EHD2: variants seen among roughly 807,000 people sequenced by gnomAD.
The protein encoded by EHD2 is EH domain containing 2.
Under a neutral mutation model 41.0 loss-of-function variants are expected in EHD2, and 27 were observed. That is an observed-to-expected ratio of 0.66 (90% CI 0.49 to 0.91). The LOEUF (loss-of-function observed/expected upper bound fraction) is 0.91, where lower values mean the gene tolerates loss of function less well. EHD2 is among the 40% of genes least tolerant of loss of function. The probability of loss-of-function intolerance (pLI) is 0.00; values close to 1 mark genes in which losing one functional copy is unlikely to be tolerated. For missense variants in EHD2, 673 were observed against 773.9 expected (o/e 0.87, Z 1.55); for synonymous variants, 342 against 341.0 (o/e 1.00, Z -0.03).
At chr19:47,715,602 A>G (rs1473736181) in intron 1 of EHD2, among the ~76,000 whole-genome samples, 1 of 152,088 alleles carries the variant, frequency 6.6e-6, no homozygotes, top group African/African-American at 2.4e-5. Flanking sequence ...AAGGTGTCAA[A>G]TGATGGAAGG....
intron 3 of EHD2, among the ~76,000 whole-genome samples, chr19:47,723,841 A>T (rs1973722743): frequency 6.6e-6 from 1 of 151,606 alleles, no homozygotes; most frequent in African/African-American, 2.4e-5. Flanking sequence ...ACATGTGTGG[A>T]TAATTTTTTA....
At position 47,719,946 on chromosome 19, in the gene EHD2, A is replaced by ATGTGTGTGTGTGTGTGTG. The variant is rs59665711; in HGVS notation, c.502+1347_502+1364dup. 1.2e-4 allele frequency among the ~76,000 whole-genome samples: 17 copies of ATGTGTGTGTGTGTGTGTG among 147,056 alleles called. No homozygotes were observed. Among genetic ancestry groups the ATGTGTGTGTGTGTGTGTG allele is most frequent in the African/African-American group, 4.1e-4 (16 of 39,176 alleles). On this transcript the variant is annotated intron_variant, in intron 3 of 5. Coordinates refer to ENST00000263277, the MANE Select transcript of EHD2 (RefSeq NM_014601.4). This position sits in a 1 kb window ranked among gnomAD's most constrained non-coding sequence, Gnocchi z 4.1. ...AGAGTGTCCAGCTGTTGGTGTGTAT[A>ATGTGTGTGTGTGTGTGTG]TGTGTGTGTGTGTGTGTGTGTGTGA...
chr19:47,721,022 A>G (rs572180049), intron 3 of EHD2, among the ~76,000 whole-genome samples: 175 of 152,038 alleles, frequency 1.2e-3, no homozygotes, highest in African/African-American at 4.1e-3. Flanking sequence ...CTCTGTGTCT[A>G]TGCCGTGTGT....
chr19:47,722,010 AC>A (rs1973701784), intron 3 of EHD2, among the ~76,000 whole-genome samples: 1 of 24,260 alleles, frequency 4.1e-5, no homozygotes, highest in Non-Finnish European at 7.7e-5. Flanking sequence ...GAAAAACAAA[AC>A]ACACACACAC....
chr19:47,742,074 GC>G lies in EHD2; in HGVS notation c.*646del. ...GCTTCCTCAGATGGGCCCCTCCGCA[GC>G]CCCTTCCCTTGCTCGGGGAAAGCCC... On this transcript the variant is annotated 3_prime_UTR_variant, in exon 6 of 6. Transcript: ENST00000263277. 2.6e-6 allele frequency: 1 copy of G among 377,948 alleles called. No individual in the cohort carries two copies. The highest frequency in any genetic ancestry group is 1.9e-5 in the South Asian group (1 of 51,614). The allele number at this position is 377,948 out of a possible 1,614,324, so 23.4% of individuals were successfully genotyped here. A position where few individuals can be genotyped will look rare whatever the true frequency, so the allele number is the denominator to read the frequency against.
Position 47,736,366 on chromosome 19 carries a change from C to T in EHD2, c.916-3C>T. 6.2e-7 allele frequency: 1 copy of T among 1,610,874 alleles called. No homozygotes were observed. The highest frequency in any genetic ancestry group is 1.3e-5 in the African/African-American group (1 of 74,848). On this transcript the variant is annotated splice_polypyrimidine_tract_variant and splice_region_variant and intron_variant, in intron 4 of 5. Transcript: ENST00000263277. ...CAGGCTGAGGTGAGAACCCTTCCCA[C>T]AGGTTCACGCTTACATCATCAGCTA...
intron 4 of EHD2, among the ~76,000 whole-genome samples, chr19:47,726,825 C>T (rs910780820): frequency 2.0e-5 from 3 of 152,096 alleles, no homozygotes; most frequent in Admixed American, 6.6e-5. Flanking sequence ...ACCACAGGCA[C>T]GTGTCACCAC....
chr19:47,740,878 C>T lies in EHD2; in HGVS notation c.1081-3C>T, dbSNP rs530373557. ...TTCTGGGTGCCCCTGTCCCCCACCA[C>T]AGGAGCTGCTGATGGCGCACGACTT... On this transcript the variant is annotated splice_polypyrimidine_tract_variant and splice_region_variant and intron_variant, in intron 5 of 5. Transcript: ENST00000263277. 1.2e-6 allele frequency: 2 copies of T among 1,612,548 alleles called. No individual in the cohort carries two copies. The highest frequency in any genetic ancestry group is 1.7e-6 in the Non-Finnish European group (2 of 1,179,772).
chr19:47,716,839 A>G lies in EHD2; in HGVS notation c.227A>G (p.Gln76Arg). 6.2e-7 allele frequency: 1 copy of G among 1,610,120 alleles called. No homozygotes were observed. The highest frequency in any genetic ancestry group is 8.5e-7 in the Non-Finnish European group (1 of 1,177,988). ...QYSTGKTSFIQYLLEQEVPGS... is the reference protein window; with the variant it reads ...QYSTGKTSFIRYLLEQEVPGS... ...AGCACGGGCAAGACCAGCTTCATCCAGTACCTGCTGGAGCAGGAGGTGCCC... is the reference window on the plus strand; with the variant it reads ...AGCACGGGCAAGACCAGCTTCATCCGGTACCTGCTGGAGCAGGAGGTGCCC... Residue 76 changes from glutamine to arginine, a missense_variant, in exon 2 of 6, where the codon CAG becomes CGG. Gln to Arg is a conservative substitution (Grantham distance 43). Transcript: ENST00000263277.
chr19:47,732,835 G>A (rs556053443), intron 4 of EHD2, among the ~76,000 whole-genome samples: 53 of 152,224 alleles, frequency 3.5e-4, no homozygotes, highest in Middle Eastern at 3.4e-3. Context: ...TGTAATCCCA[G>A]CACTTTGGGG....
At chr19:47,730,161 C>T (rs367974775) in intron 4 of EHD2, among the ~76,000 whole-genome samples, 1 of 151,944 alleles carries the variant, frequency 6.6e-6, no homozygotes, top group African/African-American at 2.4e-5. Flanking sequence ...GACCCAGCCC[C>T]GGCCCAGCCC....
chr19:47,741,025 G>C lies in EHD2; in HGVS notation c.1225G>C (p.Val409Leu). 3 of 1,610,044 alleles carry C rather than the reference G, an allele frequency of 1.9e-6. No homozygotes were observed. The highest frequency in any genetic ancestry group is 2.5e-6 in the Non-Finnish European group (3 of 1,179,724). ...GGAGCTGGAGAGCACCGAGGTGGGC[G>C]TGCAGGGGGGCGCTTTTGAGGGCAC... is the stretch of plus-strand genomic sequence containing the variant. The part of the protein sequence containing the change: ...QEELESTEVG[V>L]QGGAFEGTHM... The change falls in exon 6 of 6, where the codon GTG becomes CTG. Residue 409 changes from valine to leucine, a missense_variant. Val to Leu is a conservative substitution (Grantham distance 32). Coordinates refer to ENST00000263277, the MANE Select transcript of EHD2 (RefSeq NM_014601.4). The surrounding 1 kb of genome is among the most constrained non-coding windows in gnomAD (Gnocchi z 4.5).
chr19:47,722,313 C>CA (rs756265837), intron 3 of EHD2, among the ~76,000 whole-genome samples: 11 of 152,060 alleles, frequency 7.2e-5, no homozygotes, highest in Non-Finnish European at 1.5e-4. Context: ...GAATCTGGGC[C>CA]AGTATGTGTG....
intron 5 of EHD2, among the ~76,000 whole-genome samples, chr19:47,737,726 T>G (rs1208269787): frequency 1.3e-5 from 2 of 151,910 alleles, no homozygotes; most frequent in Non-Finnish European, 2.9e-5. Context: ...GAGATTTATT[T>G]ATATATTTTT....
chr19:47,724,242 G>A (rs1253267549), intron 3 of EHD2, among the ~76,000 whole-genome samples: 2 of 151,384 alleles, frequency 1.3e-5, no homozygotes. Flanking sequence ...CCAACACCGG[G>A]CTAATTTTTT....
At chr19:47,714,213 G>C (rs1243480735) in intron 1 of EHD2, among the ~76,000 whole-genome samples, 1 of 152,138 alleles carries the variant, frequency 6.6e-6, no homozygotes, top group Non-Finnish European at 1.5e-5. Context: ...CTCTGTCCCT[G>C]TAACATGCCC....
chr19:47,726,920 C>T (rs1973759596), intron 4 of EHD2, among the ~76,000 whole-genome samples: 2 of 152,154 alleles, frequency 1.3e-5, no homozygotes, highest in Admixed American at 1.3e-4. Flanking sequence ...TCAAGTGATC[C>T]TCCCCTTTTG....
In EHD2 at chr19:47,719,101, G is replaced by A. The variant is rs528750871; in HGVS notation, c.502+495G>A. The stretch of plus-strand genomic sequence containing the variant: ...AGCTGTGACTGCTCCATGCTGGCTC[G>A]CATTGATGGGTGGGGGAGGTGTGTG... On this transcript the variant is annotated intron_variant, in intron 3 of 5. Coordinates refer to ENST00000263277, the MANE Select transcript of EHD2 (RefSeq NM_014601.4). The surrounding 1 kb of genome is among the most constrained non-coding windows in gnomAD (Gnocchi z 4.1). Among the ~76,000 whole-genome samples, 2 of 152,178 alleles carry A rather than the reference G, an allele frequency of 1.3e-5. No individual in the cohort carries two copies. Among genetic ancestry groups the A allele is most frequent in the African/African-American group, 2.4e-5 (1 of 41,442 alleles).
At chr19:47,725,718 A>G in intron 3 of EHD2, 94 bp from the exon 4 acceptor site, 2 of 1,462,440 alleles carry the variant, frequency 1.4e-6, no homozygotes, top group Non-Finnish European at 9.2e-7. Context: ...TTTACAGTCC[A>G]ATATGCAAGA....
Sources: gnomAD v4.1 joint callset for allele counts (sites outside exome capture counted in the v4.1 genomes callset) on GRCh38, gnomAD v4.1.1 for gene constraint, Gnocchi (gnomAD v3.1) non-coding constraint, MANE v1.5 for transcripts, NCBI Gene and HGNC (gene_info 2026-07-23, HGNC 2026-07-21) for gene names.